Variants in COL27A1 observed in about 807,000 individuals in gnomAD.
COL27A1 encodes the protein collagen alpha-1(XXVII) chain.
A neutral mutation model predicts 251.3 loss-of-function variants in COL27A1; 106 were observed. That is an observed-to-expected ratio of 0.42 (90% CI 0.36 to 0.50). The LOEUF (loss-of-function observed/expected upper bound fraction) is 0.50, where lower values mean the gene tolerates loss of function less well. Ranked by LOEUF, COL27A1 falls within the 20% of genes least tolerant of loss-of-function variation. COL27A1 has a pLI of 0.00. For synonymous variants in COL27A1, 1,000 were observed against 986.3 expected, an observed-to-expected ratio of 1.01 and a Z score of -0.26; for missense variants, 2,325 against 2,522.8, an observed-to-expected ratio of 0.92 and a Z score of 1.68.
rs10982097 is a variant in COL27A1, at chr9:114,195,864, C to T, written c.2071-95C>T. On this transcript the variant is annotated intron_variant, in intron 6 of 60. Transcript: ENST00000356083. ...CTCTATGAATCTCATTTGGAAACAA[C>T]CAGCCATTGGAAGTTACCATTCCAA... The T allele has an allele frequency of 0.2, 197,522 of 983,352 alleles. 24,179 individuals carry two copies. The highest frequency in any genetic ancestry group is 0.24 in the Non-Finnish European group (145,505 of 606,066). 60.9% of individuals were successfully genotyped at this position (983,352 alleles called of 1,614,324 possible).
chr9:114,182,355 G>A (rs1457304022), intron 4 of COL27A1, among the ~76,000 whole-genome samples: 7 of 151,352 alleles, frequency 4.6e-5, no homozygotes, highest in Admixed American at 2.6e-4. Context: ...TAGCCCAGGC[G>A]ACAGAGCAAG....
At position 114,301,092 on chromosome 9, in the gene COL27A1, G is replaced by T; in HGVS notation, c.4722G>T (p.Gly1574=). The change falls in exon 52 of 61, where the codon GGG becomes GGT. Residue 1574 remains glycine, a synonymous_variant. Transcript: ENST00000356083. ...TTTAGGGAAAGGAAGGCATCGTCGG[G>T]CCCCTCGGAATCCTGGGACCTTCGG... ...PGLMGKEGIV[G]PLGILGPSGL... The T allele has an allele frequency of 3.1e-6, 5 of 1,612,822 alleles. No individual in the cohort carries two copies. The highest frequency in any genetic ancestry group is 1.1e-5 in the South Asian group (1 of 90,824).
Position 114,310,435 on chromosome 9 carries a change from A to G in COL27A1, c.5437-114A>G, listed in dbSNP as rs1361095823. On this transcript the variant is annotated intron_variant, in intron 60 of 60. Transcript: ENST00000356083. ...ATGTGCCATATAGGTCATTGCTACAATGAAATACAGTATAGCCATTAAAAA... is the reference window on the plus strand; with the variant it reads ...ATGTGCCATATAGGTCATTGCTACAGTGAAATACAGTATAGCCATTAAAAA... 9.6e-6 allele frequency: 11 copies of G among 1,151,622 alleles called. 1 individual carries two copies. The highest frequency in any genetic ancestry group is 7.3e-5 in the Admixed American group (4 of 55,160). The allele number at this position is 1,151,622 out of a possible 1,614,324, so 71.3% of individuals were successfully genotyped here.
intron 1 of COL27A1, among the ~76,000 whole-genome samples, chr9:114,159,810 C>T (rs942035753): frequency 9.2e-5 from 14 of 152,166 alleles, no homozygotes; most frequent in Non-Finnish European, 1.8e-4. Flanking sequence ...GATGGAAGTA[C>T]CTGCCTTCCC....
chr9:114,168,203 C>G lies in COL27A1; in HGVS notation c.648C>G (p.Phe216Leu), dbSNP rs759744480. 6.2e-7 allele frequency: 1 copy of G among 1,613,970 alleles called. No homozygotes were observed. Among genetic ancestry groups the G allele is most frequent in the South Asian group, 1.1e-5 (1 of 91,088 alleles). ...AVQFEGALCQ[F>L]SIYPVTQVAH... ...AGTTTGAAGGTGCTCTCTGCCAGTTCAGTATCTACCCTGTGACGCAGGTCG... is the reference window on the plus strand; with the variant it reads ...AGTTTGAAGGTGCTCTCTGCCAGTTGAGTATCTACCCTGTGACGCAGGTCG... Residue 216 changes from phenylalanine to leucine, a missense_variant, in exon 3 of 61, where the codon TTC (phenylalanine) becomes TTG (leucine). Phe to Leu is a conservative substitution (Grantham distance 22, BLOSUM62 0). Coordinates refer to ENST00000356083, the MANE Select transcript of COL27A1 (RefSeq NM_032888.4).
rs35546102 is a variant in COL27A1 at position 114,298,134 on chromosome 9, T to TA, written c.4585-1920dup. 1.9e-3 allele frequency among the ~76,000 whole-genome samples: 275 copies of TA among 141,138 alleles called. 5 individuals are homozygous for TA. The Middle Eastern group carries it at 0.049, about 25-fold the overall frequency. The allele number at this position is 141,138 out of a possible 152,430, so 92.6% of individuals were successfully genotyped here. On this transcript the variant is annotated intron_variant, in intron 49 of 60. Transcript: ENST00000356083. ...TGGGCAACATCTCAAGACCCCATCT[T>TA]AAAAAAAAAAAAAAAAGTACAAGAT...
chr9:114,269,350 G>A (rs1834967310), intron 35 of COL27A1, 56 bp downstream of exon 35: 3 of 1,330,192 alleles, frequency 2.3e-6, no homozygotes, highest in East Asian at 4.7e-5. Flanking sequence ...GGGTGCCGCA[G>A]GGGAAGAGAC....
intron 33 of COL27A1, among the ~76,000 whole-genome samples, chr9:114,267,126 A>G (rs2135606535): frequency 6.6e-6 from 1 of 152,332 alleles, no homozygotes. Flanking sequence ...ACGCTGGCTA[A>G]GCTGTAGAGA....
intron 16 of COL27A1, among the ~76,000 whole-genome samples, chr9:114,233,443 C>T (rs1412320347): frequency 6.7e-6 from 1 of 149,522 alleles, no homozygotes. Context: ...CACCTCTGCC[C>T]CCCTTGCCCT....
chr9:114,223,234 TG>T, intron 14 of COL27A1, among the ~76,000 whole-genome samples: 1 of 152,286 alleles, frequency 6.6e-6, no homozygotes, highest in East Asian at 1.9e-4. Flanking sequence ...TCATTCCTCA[TG>T]GGGTTTGAGT....
At chr9:114,240,183 GC>G in intron 19 of COL27A1, 36 bp from the exon 20 acceptor site, 2 of 1,587,176 alleles carry the variant, frequency 1.3e-6, no homozygotes, top group East Asian at 2.2e-5. Flanking sequence ...TCCCTTCACA[GC>G]CCCCGTGGGT....
chr9:114,286,737 A>G (rs1445465397), intron 41 of COL27A1, among the ~76,000 whole-genome samples: 1 of 143,932 alleles, frequency 6.9e-6, no homozygotes, highest in Admixed American at 7.2e-5. Context: ...AACTTAAAGT[A>G]TAATAATAAT....
chr9:114,220,766 G>A (rs1312322880), intron 13 of COL27A1, among the ~76,000 whole-genome samples: 1 of 152,124 alleles, frequency 6.6e-6, no homozygotes, highest in Non-Finnish European at 1.5e-5. Flanking sequence ...GGCCGAGGCG[G>A]CTAGATCACT....
intron 5 of COL27A1, among the ~76,000 whole-genome samples, chr9:114,191,589 C>T (rs923441766): frequency 2.0e-5 from 3 of 152,194 alleles, no homozygotes; most frequent in Admixed American, 1.3e-4. Flanking sequence ...CTGCAAAGGA[C>T]GTGATCTCAT....
At position 114,310,955 on chromosome 9, in the gene COL27A1, G is replaced by A; in HGVS notation, c.*260G>A. The A allele has an allele frequency of 2.5e-6, 1 of 399,488 alleles. No individual in the cohort carries two copies. The highest frequency in any genetic ancestry group is 3.9e-5 in the Admixed American group (1 of 25,396). 24.7% of individuals were successfully genotyped at this position (399,488 alleles called of 1,614,324 possible). A position where few individuals can be genotyped will look rare whatever the true frequency, so the allele number is the denominator to read the frequency against. ...AGTAAGCTGGACCTGCAACCTGCCTGAGCCCCGTGGCCTCTCAGCTCTGCG... is the reference window on the plus strand; with the variant it reads ...AGTAAGCTGGACCTGCAACCTGCCTAAGCCCCGTGGCCTCTCAGCTCTGCG... On this transcript the variant is annotated 3_prime_UTR_variant, in exon 61 of 61. Coordinates refer to ENST00000356083, the MANE Select transcript of COL27A1 (RefSeq NM_032888.4).
intron 59 of COL27A1, among the ~76,000 whole-genome samples, chr9:114,308,155 G>A (rs558780561): frequency 3.7e-4 from 56 of 152,320 alleles, no homozygotes; most frequent in African/African-American, 1.2e-3. Flanking sequence ...TTATGTATGC[G>A]AATACTTAAC....
At position 114,289,298 on chromosome 9, in the gene COL27A1, A is replaced by G. The variant is rs1421144954; in HGVS notation, c.4206+3A>G. The G allele has an allele frequency of 6.3e-7, 1 of 1,584,454 alleles. No individual in the cohort carries two copies. The highest frequency in any genetic ancestry group is 1.9e-5 in the Admixed American group (1 of 53,366). Reference sequence around the variant, plus strand: ...CCAAAGGATCGAAAGGCGCAGAGGTAAGAGGGCCGGGGGTTCAGCAGGGAG... The same window carrying G: ...CCAAAGGATCGAAAGGCGCAGAGGTGAGAGGGCCGGGGGTTCAGCAGGGAG... On this transcript the variant is annotated splice_donor_region_variant and intron_variant, in intron 45 of 60. Coordinates refer to ENST00000356083, the MANE Select transcript of COL27A1 (RefSeq NM_032888.4).
At chr9:114,164,734 T>A (rs1848714450) in intron 2 of COL27A1, among the ~76,000 whole-genome samples, 1 of 152,198 alleles carries the variant, frequency 6.6e-6, no homozygotes, top group African/African-American at 2.4e-5. Context: ...TGAATAGTAT[T>A]TCATGATAAT....
chr9:114,300,123 G>C lies in COL27A1; in HGVS notation c.4638G>C (p.Lys1546Asn), dbSNP rs1193734525. ...FPGMAGLFGP[K>N]GPPGDIGFKG... ...GAATGGCAGGTCTCTTCGGACCCAA[G>C]GTATGGACTCCCACGGCTCACTGTT... The change falls in exon 50 of 61, where the codon AAG becomes AAC. Residue 1546 changes from lysine (K) to asparagine (N), a missense_variant and splice_region_variant. Around this residue, in one of 4 missense-constraint regions of COL27A1, gnomAD observed 327 missense variants for 442.8 expected, o/e 0.74. Coordinates refer to ENST00000356083, the MANE Select transcript of COL27A1 (RefSeq NM_032888.4). The C allele has an allele frequency of 6.2e-7, 1 of 1,614,032 alleles. No homozygotes were observed. The highest frequency in any genetic ancestry group is 1.1e-5 in the South Asian group (1 of 91,082).
Sources: gnomAD v4.1 joint callset for allele counts (sites outside exome capture counted in the v4.1 genomes callset) on GRCh38, gnomAD v4.1.1 for gene constraint, gnomAD v4.1.1 regional missense constraint, MANE v1.5 for transcripts, NCBI Gene and HGNC (gene_info 2026-07-23, HGNC 2026-07-21) for gene names.